The following STAB1 variants were observed in gnomAD, a reference collection of about 807,000 sequenced individuals.
STAB1 encodes the protein stabilin 1, also known as stabilin-1.
Under a neutral mutation model 332.4 loss-of-function variants are expected in STAB1, and 250 were observed. The observed-to-expected ratio is 0.75, with a 90% confidence interval of 0.68 to 0.84. The LOEUF (loss-of-function observed/expected upper bound fraction) is 0.84, where lower values mean the gene tolerates loss of function less well. STAB1 is among the 40% of genes least tolerant of loss of function. The probability of loss-of-function intolerance (pLI) is 0.00; values close to 1 mark genes in which losing one functional copy is unlikely to be tolerated. For missense variants in STAB1, 3,249 were observed against 3,489.7 expected, an observed-to-expected ratio of 0.93 and a Z score of 1.74; for synonymous variants, 1,475 against 1,390.4, an observed-to-expected ratio of 1.06 and a Z score of -1.35.
intron 1 of STAB1, among the ~76,000 whole-genome samples, chr3:52,495,926 C>T (rs145629072): frequency 1.6e-4 from 24 of 152,282 alleles, no homozygotes; most frequent in Non-Finnish European, 2.8e-4. Flanking sequence ...CCAAGAGTAC[C>T]GGGAAGCAGA....
intron 67 of STAB1, 34 bp from the exon 68 acceptor site, chr3:52,524,066 G>A (rs760920611): frequency 1.2e-6 from 2 of 1,612,794 alleles, no homozygotes; most frequent in South Asian, 1.1e-5. Flanking sequence ...TCTCGCTTGA[G>A]GCGCCTCGCC....
In STAB1 at chr3:52,523,260, CGACTTCCTG is replaced by C. The variant is rs765108201; in HGVS notation, c.7071_7079del (p.Phe2358_Asp2360del). 128 of 1,613,336 alleles carry C rather than the reference CGACTTCCTG, an allele frequency of 7.9e-5. No individual in the cohort carries two copies. The highest frequency in any genetic ancestry group is 9.0e-5 in the Non-Finnish European group (106 of 1,180,018). On this transcript the variant is annotated inframe_deletion, in exon 64 of 69. Transcript: ENST00000321725. The stretch of plus-strand genomic sequence containing the variant: ...ATGCCAATGCCACCCAGCGGGGTCT[CGACTTCCTG>C]GACTTCCTGGATGATGAGCTCACGT...
chr3:52,503,162 G>T, intron 7 of STAB1, 53 bp downstream of exon 7: 1 of 1,525,852 alleles, frequency 6.6e-7, no homozygotes. Flanking sequence ...GCGGGGGCTG[G>T]GAGAGCATCC....
Position 52,504,767 on chromosome 3 carries a change from A to C in STAB1, c.1268A>C (p.Gln423Pro). ...TCCCTTGCCCAGCAGCTCTGTAGAC[A>C]GCACATCATCGCAGGGCAGCACATC... is the stretch of plus-strand genomic sequence containing the variant. ...NASLAQQLCR[Q>P]HIIAGQHILE... The change falls in exon 12 of 69, where the codon CAG becomes CCG. Residue 423 changes from glutamine (Q) to proline (P), a missense_variant. Gln to Pro is a moderately conservative substitution (Grantham distance 76). Transcript: ENST00000321725. The C allele has an allele frequency of 6.2e-7, 1 of 1,613,894 alleles. No homozygotes were observed. Among genetic ancestry groups the C allele is most frequent in the Middle Eastern group, 1.6e-4 (1 of 6,062 alleles).
chr3:52,498,313 GC>G (rs1708193818), intron 1 of STAB1, among the ~76,000 whole-genome samples: 1 of 152,226 alleles, frequency 6.6e-6, no homozygotes, highest in South Asian at 2.1e-4. Context: ...GTCCCGAGGT[GC>G]CCCCAGGAAG....
chr3:52,500,891 C>T (rs756922254), intron 1 of STAB1, among the ~76,000 whole-genome samples: 3 of 152,148 alleles, frequency 2.0e-5, no homozygotes, highest in Admixed American at 6.5e-5. Context: ...CCTTCTGGGC[C>T]GGGCACATAA....
chr3:52,518,111 T>C (rs1425412993), intron 45 of STAB1, 108 bp downstream of exon 45: 12 of 1,520,212 alleles, frequency 7.9e-6, no homozygotes, highest in Non-Finnish European at 1.1e-5. Flanking sequence ...GCCCTGACCA[T>C]GACACTGAGC....
Position 52,505,705 on chromosome 3 carries a change from C to G in STAB1, c.1619C>G (p.Pro540Arg). 1 of 1,613,830 alleles carries G rather than the reference C, an allele frequency of 6.2e-7. No homozygotes were observed. The highest frequency in any genetic ancestry group is 8.5e-7 in the Non-Finnish European group (1 of 1,180,044). ...GLPSILDGPG[P>R]FTVFAPSNEA... is the part of the protein sequence containing the mutation. ...CCCTCCATCCTGGACGGACCTGGGC[C>G]CTTCACAGTCTTTGCCCCAAGCAAT... The change falls in exon 15 of 69, where the codon CCC becomes CGC. Residue 540 changes from proline to arginine, a missense_variant. Pro to Arg is a moderately radical substitution (Grantham distance 103). Transcript: ENST00000321725.
At chr3:52,505,220 A>G in intron 13 of STAB1, 77 bp downstream of exon 13, 1 of 1,603,970 alleles carries the variant, frequency 6.2e-7, no homozygotes, top group South Asian at 1.1e-5. Context: ...GTGAGTGGGC[A>G]GGAGCCATTC....
chr3:52,501,710 G>A lies in STAB1; in HGVS notation c.288G>A (p.Val96=), dbSNP rs763869757. 3 of 1,580,312 alleles carry A rather than the reference G, an allele frequency of 1.9e-6. No homozygotes were observed. The Admixed American group carries it at 5.4e-5, about 29-fold the overall frequency. ...GACGGAAGTGCCGGAAGCAAGTGGT[G>A]CAGAAGGCCTGCTGCCCTGGCTACT... is the stretch of plus-strand genomic sequence containing the variant. ...GCRRKCRKQV[V]QKACCPGYWG... Residue 96 remains valine, a synonymous_variant, in exon 3 of 69, where the codon GTG becomes GTA. Transcript: ENST00000321725.
At chr3:52,515,128 C>A in intron 36 of STAB1, 83 bp downstream of exon 36, 1 of 1,528,146 alleles carries the variant, frequency 6.5e-7, no homozygotes, top group Non-Finnish European at 8.9e-7. Context: ...CACCCTCCAG[C>A]CCAGTTTTGC....
chr3:52,516,886 C>G (rs1254643042), intron 41 of STAB1, 98 bp from the exon 42 acceptor site: 6 of 1,598,030 alleles, frequency 3.8e-6, no homozygotes, highest in Non-Finnish European at 5.1e-6. Flanking sequence ...AGGACTCACC[C>G]TTCCCTCTGA....
At chr3:52,499,250 C>A (rs1192798045) in intron 1 of STAB1, among the ~76,000 whole-genome samples, 1 of 152,242 alleles carries the variant, frequency 6.6e-6, no homozygotes, top group African/African-American at 2.4e-5. Flanking sequence ...AGTTTAGCTT[C>A]ACGCCTCCTG....
chr3:52,521,141 C>T (rs1317840196), intron 55 of STAB1, 136 bp downstream of exon 55: 6 of 1,191,976 alleles, frequency 5.0e-6, no homozygotes, highest in African/African-American at 1.5e-5. Context: ...ATTTTACTAG[C>T]GGGAGTGCTC....
rs774309127 is a variant in STAB1, at chr3:52,495,386, T to C, written c.-28T>C. 7.6e-7 allele frequency: 1 copy of C among 1,321,422 alleles called. No homozygotes were observed. Among genetic ancestry groups the C allele is most frequent in the Admixed American group, 3.1e-5 (1 of 31,912 alleles). 81.9% of individuals were successfully genotyped at this position (1,321,422 alleles called of 1,614,324 possible). ...TAGAGCTCATTCCCTACGCCCCGACTCTGTCCTGGACAGCGTGCCCACCAG... is the reference window on the plus strand; with the variant it reads ...TAGAGCTCATTCCCTACGCCCCGACCCTGTCCTGGACAGCGTGCCCACCAG... On this transcript the variant is annotated 5_prime_UTR_variant, in exon 1 of 69. Transcript: ENST00000321725.
Position 52,523,660 on chromosome 3 carries a change from G to A in STAB1, c.7299G>A (p.Gly2433=), listed in dbSNP as rs1291618613. ...CTCTGGTCTCCCTGCAGGCCCCAGG[G>A]ACAGTTGTGGTTAGCCGTATCATTG... ...DNSSWAPVAP[G]TVVVSRIIVW... The change falls in exon 66 of 69, where the codon GGG becomes GGA. Residue 2433 remains glycine, a synonymous_variant. Transcript: ENST00000321725. 2 of 1,612,922 alleles carry A rather than the reference G, an allele frequency of 1.2e-6. No homozygotes were observed. Among genetic ancestry groups the A allele is most frequent in the Non-Finnish European group, 8.5e-7 (1 of 1,180,000 alleles).
Position 52,523,853 on chromosome 3 carries a change from CTCCCTGTT to C in STAB1, c.7396-16_7396-9del, listed in dbSNP as rs2079169882. 2 of 1,591,682 alleles carry C rather than the reference CTCCCTGTT, an allele frequency of 1.3e-6. No individual in the cohort carries two copies. Among genetic ancestry groups the C allele is most frequent in the Admixed American group, 1.7e-5 (1 of 59,434 alleles). On this transcript the variant is annotated splice_polypyrimidine_tract_variant and intron_variant, in intron 66 of 68. Coordinates refer to ENST00000321725, the MANE Select transcript of STAB1 (RefSeq NM_015136.3). Reference sequence around the variant, plus strand: ...GGACAGCTCCCGCCAGGTCAACACTCTCCCTGTTTGTTTGTAGCAGGCAGTGCTGGCGC... The same window carrying C: ...GGACAGCTCCCGCCAGGTCAACACTCTGTTTGTAGCAGGCAGTGCTGGCGC...
At position 52,504,695 on chromosome 3, in the gene STAB1, G is replaced by C. The variant is rs748551098; in HGVS notation, c.1240-44G>C. 6.8e-6 allele frequency: 11 copies of C among 1,613,306 alleles called. No individual in the cohort carries two copies. In the African/African-American group the frequency reaches 1.5e-4, roughly 22 times the overall value. ...TGCTGGGTAGAGGTGGTGTGAAGAG[G>C]ACTGGCCCCCCGGCTCACTTTGCTC... On this transcript the variant is annotated intron_variant, in intron 11 of 68. Coordinates refer to ENST00000321725, the MANE Select transcript of STAB1 (RefSeq NM_015136.3).
chr3:52,508,585 G>A (rs1037644150), intron 21 of STAB1: 8 of 523,982 alleles, frequency 1.5e-5, no homozygotes, highest in African/African-American at 7.6e-5. Flanking sequence ...ACTTTGAGAC[G>A]CTGAGGCGGG....
Sources: gnomAD v4.1 joint callset for allele counts (sites outside exome capture counted in the v4.1 genomes callset) on GRCh38, gnomAD v4.1.1 for gene constraint, MANE v1.5 for transcripts, NCBI Gene and HGNC (gene_info 2026-07-23, HGNC 2026-07-21) for gene names.